The following OSBPL10 variants were observed in gnomAD, a reference collection of about 807,000 sequenced individuals.
The protein encoded by OSBPL10 is oxysterol-binding protein-related protein 10.
Under a neutral mutation model 81.7 loss-of-function variants are expected in OSBPL10, and 49 were observed. The ratio of observed to expected loss-of-function variants is 0.60; its 90% CI spans 0.48 to 0.76. The LOEUF is 0.76. Ranked by LOEUF, OSBPL10 falls within the 30% of genes least tolerant of loss-of-function variation. The pLI, the probability that OSBPL10 is intolerant of heterozygous loss-of-function variation, is 0.00. For missense variants in OSBPL10, 923 were observed against 987.8 expected (o/e 0.93, Z 0.88); for synonymous variants, 419 against 383.6 (o/e 1.09, Z -1.08).
intron 1 of OSBPL10, among the ~76,000 whole-genome samples, chr3:31,929,808 T>C (rs1165525012): frequency 6.8e-6 from 1 of 146,142 alleles, no homozygotes; most frequent in Non-Finnish European, 1.5e-5. Flanking sequence ...GAAAGCCCAA[T>C]AACCGAACAG....
chr3:31,957,450 G>A (rs1698040840), intron 1 of OSBPL10, among the ~76,000 whole-genome samples: 2 of 152,172 alleles, frequency 1.3e-5, no homozygotes, highest in South Asian at 4.1e-4. Flanking sequence ...AATGAGAAAA[G>A]ACTATGAAGC....
chr3:31,907,250 CTGAT>C (rs1190127601), intron 1 of OSBPL10, among the ~76,000 whole-genome samples: 2 of 152,162 alleles, frequency 1.3e-5, no homozygotes, highest in African/African-American at 4.8e-5. Flanking sequence ...GCATACTCAT[CTGAT>C]TATCTTATTT....
chr3:32,002,933 C>T (rs1488704530), intron 2 of OSBPL10, among the ~76,000 whole-genome samples: 1 of 152,190 alleles, frequency 6.6e-6, no homozygotes, highest in Non-Finnish European at 1.5e-5. Flanking sequence ...CAGGTCATTA[C>T]AACACAGTGG....
At chr3:31,731,159 T>C (rs969654737) in intron 6 of OSBPL10, among the ~76,000 whole-genome samples, 3 of 151,824 alleles carry the variant, frequency 2.0e-5, no homozygotes, top group Non-Finnish European at 4.4e-5. Context: ...AGAAGAAAAA[T>C]AGTGTCCAAG....
At chr3:31,672,695 C>A (rs1700356117) in intron 8 of OSBPL10, among the ~76,000 whole-genome samples, 1 of 152,072 alleles carries the variant, frequency 6.6e-6, no homozygotes, top group Non-Finnish European at 1.5e-5. Context: ...TCAGTTAAGT[C>A]CATTAAAGTC....
At chr3:31,944,886 C>T (rs990225991) in intron 1 of OSBPL10, among the ~76,000 whole-genome samples, 7 of 135,444 alleles carry the variant, frequency 5.2e-5, no homozygotes, top group Non-Finnish European at 9.3e-5. Context: ...GGCACAGTGG[C>T]TTATGCCTGT....
chr3:31,818,859 G>C (rs1331602320), intron 4 of OSBPL10, among the ~76,000 whole-genome samples: 1 of 152,128 alleles, frequency 6.6e-6, no homozygotes, highest in East Asian at 1.9e-4. Context: ...TCACTGAACT[G>C]GTCATTACTG....
intron 3 of OSBPL10, among the ~76,000 whole-genome samples, chr3:31,846,520 GGAGGCTGAGGCT>G (rs999899600): frequency 6.6e-6 from 1 of 152,012 alleles, no homozygotes; most frequent in East Asian, 1.9e-4. Flanking sequence ...CAGCTACTTG[GGAGGCTGAGGCT>G]GAGGCTGAGG....
At chr3:31,744,304 G>A (rs1559444902) in intron 5 of OSBPL10, among the ~76,000 whole-genome samples, 1 of 152,156 alleles carries the variant, frequency 6.6e-6, no homozygotes, top group Non-Finnish European at 1.5e-5. Flanking sequence ...ACTTTGGGAG[G>A]CCAAGGCGGA....
At chr3:31,957,154 AAAAT>A (rs1405550765) in intron 1 of OSBPL10, among the ~76,000 whole-genome samples, 12 of 152,166 alleles carry the variant, frequency 7.9e-5, no homozygotes, top group Admixed American at 3.3e-4. Context: ...AAAATAAATA[AAAAT>A]AAATAAAATC....
intron 2 of OSBPL10, among the ~76,000 whole-genome samples, chr3:32,015,996 T>C (rs1015851503): frequency 6.6e-6 from 1 of 152,216 alleles, no homozygotes; most frequent in Non-Finnish European, 1.5e-5. Flanking sequence ...ACACTGTTGG[T>C]GGGACTGTAA....
chr3:32,042,462 C>T (rs756467712), intron 2 of OSBPL10, among the ~76,000 whole-genome samples: 4 of 152,118 alleles, frequency 2.6e-5, no homozygotes, highest in Non-Finnish European at 2.9e-5. Context: ...AGCATCATCC[C>T]CTTTTTGAAA....
intron 3 of OSBPL10, among the ~76,000 whole-genome samples, chr3:31,849,184 C>T (rs1341027387): frequency 6.6e-6 from 1 of 152,170 alleles, no homozygotes; most frequent in Non-Finnish European, 1.5e-5. Flanking sequence ...ATAAAAGGCC[C>T]CCTGACCCAC....
intron 10 of OSBPL10, among the ~76,000 whole-genome samples, chr3:31,665,411 G>A (rs1289251990): frequency 2.0e-5 from 3 of 152,176 alleles, no homozygotes; most frequent in Non-Finnish European, 4.4e-5. Context: ...CTGGGCCGGG[G>A]AGCATATCTA....
intron 5 of OSBPL10, among the ~76,000 whole-genome samples, chr3:31,736,018 AAG>A (rs1441662546): frequency 1.3e-5 from 2 of 152,180 alleles, no homozygotes; most frequent in African/African-American, 4.8e-5. Context: ...AGAAAACTTT[AAG>A]AAGAGTGCAC....
At chr3:31,977,157 T>C (rs767057783) in intron 1 of OSBPL10, among the ~76,000 whole-genome samples, 64 of 152,094 alleles carry the variant, frequency 4.2e-4, no homozygotes, top group Non-Finnish European at 7.9e-4. Flanking sequence ...GTGATCCTCA[T>C]CTCCACAAAG....
At chr3:31,915,730 C>G (rs1696735645) in intron 1 of OSBPL10, among the ~76,000 whole-genome samples, 1 of 151,448 alleles carries the variant, frequency 6.6e-6, no homozygotes, top group Non-Finnish European at 1.5e-5. Context: ...AACAAACCTG[C>G]CCGTGTACCT....
intron 1 of OSBPL10, among the ~76,000 whole-genome samples, chr3:31,897,085 A>G (rs541653974): frequency 6.6e-6 from 1 of 152,360 alleles, no homozygotes; most frequent in African/African-American, 2.4e-5. Context: ...AAAGGAAGAA[A>G]AAAGAATGGA....
chr3:31,894,525 C>G (rs1695999082), intron 1 of OSBPL10, among the ~76,000 whole-genome samples: 1 of 152,124 alleles, frequency 6.6e-6, no homozygotes, highest in African/African-American at 2.4e-5. Flanking sequence ...ATTCCCATGG[C>G]CCTAATTTAT....
Sources: allele counts gnomAD v4.1 joint callset (sites outside exome capture counted in the v4.1 genomes callset), GRCh38; gene constraint gnomAD v4.1.1; transcripts MANE v1.5; gene names NCBI Gene and HGNC (gene_info 2026-07-23, HGNC 2026-07-21).